Variants in ODAD3 observed in about 807,000 individuals in gnomAD.
ODAD3 encodes the protein outer dynein arm docking complex subunit 3.
A neutral mutation model predicts 70.9 loss-of-function variants in ODAD3; 57 were observed. The ratio of observed to expected loss-of-function variants is 0.80; its 90% CI spans 0.65 to 1.00. ODAD3 has a LOEUF of 1.00. Ranked by LOEUF, ODAD3 falls within the 50% of genes least tolerant of loss-of-function variation. ODAD3 has a pLI of 0.00. For synonymous variants in ODAD3, 327 were observed against 315.9 expected (o/e 1.04, Z -0.37); for missense variants, 797 against 763.9 (o/e 1.04, Z -0.51).
In ODAD3 at chr19:11,426,959, T is replaced by A. The variant is rs143287033; in HGVS notation, c.526A>T (p.Arg176Trp). 2 of 1,608,762 alleles carry A rather than the reference T, an allele frequency of 1.2e-6. No individual in the cohort carries two copies. Among genetic ancestry groups the A allele is most frequent in the South Asian group, 1.1e-5 (1 of 91,040 alleles). Reference sequence around the variant, plus strand: ...TGCAGCTGGAGCTCCTCCAGCCGCCTCTGCCGCAACACCACCTGGTGCCGC... The same window carrying A: ...TGCAGCTGGAGCTCCTCCAGCCGCCACTGCCGCAACACCACCTGGTGCCGC... ...ALRHQVVLRQ[R>W]RLEELQLQHS... The change falls in exon 4 of 13, where the codon AGG (arginine) becomes TGG (tryptophan). Residue 176 changes from arginine (R) to tryptophan (W), a missense_variant. Coordinates refer to ENST00000356392, the MANE Select transcript of ODAD3 (RefSeq NM_145045.5).
Position 11,422,567 on chromosome 19 carries a change from G to C in ODAD3, c.1338C>G (p.Ala446=), listed in dbSNP as rs766826603. 3.1e-6 allele frequency: 5 copies of C among 1,591,060 alleles called. No homozygotes were observed. Among genetic ancestry groups the C allele is most frequent in the Non-Finnish European group, 4.3e-6 (5 of 1,171,026 alleles). Reference sequence around the variant, plus strand: ...CGCGCTCCAGCTGGTCCTTGGCCTCGGCGTGCCGCCGCTCCTCCTTCTTGA... The same window carrying C: ...CGCGCTCCAGCTGGTCCTTGGCCTCCGCGTGCCGCCGCTCCTCCTTCTTGA... ...ERLKKEERRH[A]EAKDQLERAL... The change falls in exon 10 of 13, where the codon GCC becomes GCG. Residue 446 remains alanine (A), a synonymous_variant. Transcript: ENST00000356392. The surrounding 1 kb of genome is among the most constrained non-coding windows in gnomAD (Gnocchi z 4.6).
chr19:11,422,652 CG>C lies in ODAD3; in HGVS notation c.1278-26del. 1.2e-6 allele frequency: 2 copies of C among 1,605,280 alleles called. No homozygotes were observed. On this transcript the variant is annotated intron_variant, in intron 9 of 12. Transcript: ENST00000356392. This position sits in a 1 kb window ranked among gnomAD's most constrained non-coding sequence, Gnocchi z 4.6. Reference sequence around the variant, plus strand: ...GCTGCAGGGAGCCGGGAGGTCACCCCGGGGGCTCAGCCCGCCCCGCCGCCCT... The same window carrying C: ...GCTGCAGGGAGCCGGGAGGTCACCCCGGGGCTCAGCCCGCCCCGCCGCCCT...
chr19:11,422,330 GC>G lies in ODAD3; in HGVS notation c.1434+140del. On this transcript the variant is annotated intron_variant, in intron 10 of 12. Transcript: ENST00000356392. This position sits in a 1 kb window ranked among gnomAD's most constrained non-coding sequence, Gnocchi z 4.6. ...GAATGGGGTGGGGCTTCCCCTGTGG[GC>G]GGGGCCTCTGACGTCCGGGACAGAG... The G allele has an allele frequency of 9.4e-7, 1 of 1,059,240 alleles. No homozygotes were observed. The highest frequency in any genetic ancestry group is 1.3e-6 in the Non-Finnish European group (1 of 761,404). The allele number at this position is 1,059,240 out of a possible 1,614,324, so 65.6% of individuals were successfully genotyped here.
chr19:11,421,948 A>C, intron 10 of ODAD3, 116 bp from the exon 11 acceptor site: 1 of 1,185,482 alleles, frequency 8.4e-7, no homozygotes. Flanking sequence ...GCCCACCTGC[A>C]GGGTCGATCC....
chr19:11,427,442 C>T lies in ODAD3; in HGVS notation c.445-402G>A, dbSNP rs546113307. Among the ~76,000 whole-genome samples the T allele has an allele frequency of 3.3e-5, 5 of 150,230 alleles. No individual in the cohort carries two copies. In the South Asian group the frequency reaches 1.1e-3, roughly 32 times the overall value. On this transcript the variant is annotated intron_variant, in intron 3 of 12. Transcript: ENST00000356392. ...CCCGAGTAGCTGGGATTACAGGTGC[C>T]CACCACCACGCCTGGCTAATTTTTG...
upstream of ODAD3, chr19:11,435,782 G>T: frequency 7.1e-7 from 1 of 1,400,768 alleles, no homozygotes; most frequent in Non-Finnish European, 9.4e-7. Context: ...GTGTGGGTGT[G>T]GACGGCGGAG....
Position 11,435,088 on chromosome 19 carries a change from C to A in ODAD3, c.-72G>T. On this transcript the variant is annotated 5_prime_UTR_variant, in exon 1 of 13. Coordinates refer to ENST00000356392, the MANE Select transcript of ODAD3 (RefSeq NM_145045.5). ...GAGTCAGTCGCCCCTGTCAGGGATC[C>A]GTCAGCTCGGATTCCTAGGGCTCTG... 4 of 1,521,706 alleles carry A rather than the reference C, an allele frequency of 2.6e-6. No individual in the cohort carries two copies. Among genetic ancestry groups the A allele is most frequent in the Non-Finnish European group, 1.8e-6 (2 of 1,140,418 alleles). The allele number at this position is 1,521,706 out of a possible 1,614,324, so 94.3% of individuals were successfully genotyped here. A position where few individuals can be genotyped will look rare whatever the true frequency, so the allele number is the denominator to read the frequency against.
chr19:11,435,218 T>C (rs1969646496), upstream of ODAD3: 7 of 1,411,124 alleles, frequency 5.0e-6, no homozygotes, highest in Non-Finnish European at 5.5e-6. Context: ...ATCACCCGCG[T>C]TCCGTGGCTG....
intron 8 of ODAD3, among the ~76,000 whole-genome samples, chr19:11,423,624 C>T (rs1484306660): frequency 6.6e-6 from 1 of 151,782 alleles, no homozygotes; most frequent in Non-Finnish European, 1.5e-5. Flanking sequence ...CAAGAGAGAA[C>T]GGAAGGCGAG....
chr19:11,425,763 A>C (rs1179697171), intron 7 of ODAD3, among the ~76,000 whole-genome samples: 1 of 149,774 alleles, frequency 6.7e-6, no homozygotes, highest in Non-Finnish European at 1.5e-5. Flanking sequence ...GATGGGAGGC[A>C]GCCTCAGGGC....
At chr19:11,430,259 T>TC (rs776460960) in intron 3 of ODAD3, among the ~76,000 whole-genome samples, 1 of 152,148 alleles carries the variant, frequency 6.6e-6, no homozygotes, top group Non-Finnish European at 1.5e-5. Context: ...TGCCTCAGCC[T>TC]CCCGAGTAGC....
In ODAD3 at chr19:11,421,796, G is replaced by A. The variant is rs751660131; in HGVS notation, c.1471C>T (p.Gln491Ter). 10 of 1,613,260 alleles carry A rather than the reference G, an allele frequency of 6.2e-6. No individual in the cohort carries two copies. The highest frequency in any genetic ancestry group is 7.6e-6 in the Non-Finnish European group (9 of 1,179,948). The change falls in exon 11 of 13, where the codon CAG becomes TAG. Residue 491 changes from glutamine to a stop codon, truncating the protein, a stop_gained. Transcript: ENST00000356392. LOFTEE classifies it high-confidence loss of function. ...AGGTTTGGCACATAGTTATCTGCCT[G>A]GGGATCCAGCTCCTTTCCCGCGAAG... Reference protein sequence around the residue: ...GRFAGKELDPQADNYVPNLLG... With the variant: ...GRFAGKELDP
chr19:11,425,183 GTATA>G (rs771868476), intron 7 of ODAD3, among the ~76,000 whole-genome samples: 2 of 137,386 alleles, frequency 1.5e-5, no homozygotes, highest in Admixed American at 1.4e-4. Context: ...GTACATATGT[GTATA>G]TATACATATG....
rs777703406 is a variant in ODAD3, at chr19:11,426,467, G to T, written c.819C>A (p.Leu273=). ...GCACCTTGGCAATGTCCCGGGCATTGAGGGCCTCTTGGTTCACCACGTGCA... is the reference window on the plus strand; with the variant it reads ...GCACCTTGGCAATGTCCCGGGCATTTAGGGCCTCTTGGTTCACCACGTGCA... ...EALHVVNQEA[L]NARDIAKNQL... is the part of the protein sequence containing the mutation. Residue 273 remains leucine, a synonymous_variant, in exon 6 of 13, where the codon CTC becomes CTA. Coordinates refer to ENST00000356392, the MANE Select transcript of ODAD3 (RefSeq NM_145045.5). 1 of 1,614,062 alleles carries T rather than the reference G, an allele frequency of 6.2e-7. No individual in the cohort carries two copies.
rs955339979 is a variant in ODAD3 at position 11,425,368 on chromosome 19, T to G, written c.963+776A>C. On this transcript the variant is annotated intron_variant, in intron 7 of 12. Coordinates refer to ENST00000356392, the MANE Select transcript of ODAD3 (RefSeq NM_145045.5). ...GTATATATGTGTATATGTACATATG[T>G]GTATATATGTGTGTATGTACATATG... Among the ~76,000 whole-genome samples the G allele has an allele frequency of 2.9e-5, 4 of 139,684 alleles. 1 individual carries two copies. The highest frequency in any genetic ancestry group is 1.2e-4 in the African/African-American group (4 of 34,514). 91.6% of individuals were successfully genotyped at this position (139,684 alleles called of 152,430 possible).
rs753868007 is a variant in ODAD3 at position 11,422,837 on chromosome 19, G to A, written c.1141C>T (p.Gln381Ter). ...THSLVRRFLA[Q>*]GDTFAQLETL... ...TCCAACTGCGCGAAGGTGTCGCCCT[G>A]GGCCAGGAACCGCCGCACCAACGAC... Residue 381 changes from glutamine (Q) to a stop codon, truncating the protein, a stop_gained, in exon 9 of 13, where the codon CAG becomes TAG. Transcript: ENST00000356392. LOFTEE classifies it high-confidence loss of function. This position sits in a 1 kb window ranked among gnomAD's most constrained non-coding sequence, Gnocchi z 4.6. The A allele has an allele frequency of 6.2e-7, 1 of 1,604,398 alleles. No homozygotes were observed. The highest frequency in any genetic ancestry group is 8.5e-7 in the Non-Finnish European group (1 of 1,179,106).
intron 8 of ODAD3, among the ~76,000 whole-genome samples, chr19:11,423,556 CAA>C (rs1969191432): frequency 6.6e-6 from 1 of 152,262 alleles, no homozygotes; most frequent in Admixed American, 6.5e-5. Context: ...GGAGACAGAA[CAA>C]GAGACGAAAC....
chr19:11,431,347 G>C (rs1019808287), intron 1 of ODAD3: 3 of 279,316 alleles, frequency 1.1e-5, no homozygotes, highest in Non-Finnish European at 2.1e-5. Context: ...CTGACCTCAG[G>C]TGTTCCCAAA....
At chr19:11,424,600 T>C (rs1439512951) in intron 7 of ODAD3, among the ~76,000 whole-genome samples, 1 of 134,614 alleles carries the variant, frequency 7.4e-6, no homozygotes, top group Non-Finnish European at 1.5e-5. Flanking sequence ...TGTATAAATA[T>C]ATATGTGTAT....
Sources: allele counts gnomAD v4.1 joint callset (sites outside exome capture counted in the v4.1 genomes callset), GRCh38; gene constraint gnomAD v4.1.1; non-coding constraint Gnocchi (gnomAD v3.1); transcripts MANE v1.5; gene names NCBI Gene and HGNC (gene_info 2026-07-23, HGNC 2026-07-21).